Variants in ERH observed in about 807,000 individuals in gnomAD.
ERH encodes the protein enhancer of rudimentary homolog.
In ERH, 1 loss-of-function variant was observed where a neutral mutation model predicts 16.8. The observed-to-expected ratio is 0.06, with a 90% confidence interval of 0.02 to 0.28. ERH has a LOEUF of 0.28. Ranked by LOEUF, ERH falls within the 10% of genes least tolerant of loss-of-function variation. ERH has a pLI of 1.00. For synonymous variants in ERH, 43 were observed against 43.6 expected (o/e 0.99, Z 0.05); for missense variants, 42 against 127.5 (o/e 0.33, Z 3.23).
chr14:69,392,160 A>T (rs528028279), intron 2 of ERH, among the ~76,000 whole-genome samples: 1 of 148,332 alleles, frequency 6.7e-6, no homozygotes, highest in Non-Finnish European at 1.5e-5. Flanking sequence ...CTTAAAAAAA[A>T]GGGGGGAGGA....
intron 2 of ERH, among the ~76,000 whole-genome samples, chr14:69,387,880 T>TA (rs1187815162): frequency 4.0e-5 from 6 of 151,688 alleles, no homozygotes; most frequent in Middle Eastern, 3.4e-3. Flanking sequence ...CTGTCTCTAC[T>TA]AAAAAAATAC....
chr14:69,387,144 A>G (rs749009313), intron 2 of ERH, 61 bp from the exon 3 acceptor site: 32 of 1,421,128 alleles, frequency 2.3e-5, no homozygotes, highest in Non-Finnish European at 2.8e-5. Flanking sequence ...AGATATGAGC[A>G]GTGCTTATGA....
rs57516317 is a variant in ERH, at chr14:69,387,695, C to CAAAAAA, written c.92-618_92-613dup. On this transcript the variant is annotated intron_variant, in intron 2 of 3. Transcript: ENST00000557016. The stretch of plus-strand genomic sequence containing the variant: ...AGTAATTCTTCCTAAAGCCACAGAG[C>CAAAAAA]AAAAAAAAAAAAAAAATTGGCAACA... Among the ~76,000 whole-genome samples the CAAAAAA allele has an allele frequency of 2.5e-4, 28 of 113,380 alleles. 3 individuals are homozygous for CAAAAAA. Among genetic ancestry groups the CAAAAAA allele is most frequent in the African/African-American group, 5.3e-4 (15 of 28,106 alleles). 74.4% of individuals were successfully genotyped at this position (113,380 alleles called of 152,430 possible).
intron 3 of ERH, among the ~76,000 whole-genome samples, chr14:69,383,647 TATG>T (rs1193375509): frequency 6.6e-6 from 1 of 152,244 alleles, no homozygotes; most frequent in Non-Finnish European, 1.5e-5. Context: ...GTTTTCAAGC[TATG>T]ATAATTTACG....
chr14:69,390,639 T>C (rs1294086888), intron 2 of ERH, among the ~76,000 whole-genome samples: 1 of 152,168 alleles, frequency 6.6e-6, no homozygotes, highest in African/African-American at 2.4e-5. Context: ...GTTTCTTAGA[T>C]ATGACACCAA....
intron 3 of ERH, among the ~76,000 whole-genome samples, chr14:69,381,601 T>C (rs1168153632): frequency 2.6e-5 from 4 of 152,046 alleles, no homozygotes; most frequent in Non-Finnish European, 4.4e-5. Flanking sequence ...GAGTACTGGG[T>C]GTCGCTTTAA....
intron 3 of ERH, among the ~76,000 whole-genome samples, chr14:69,384,307 T>A (rs2045879786): frequency 6.6e-6 from 1 of 152,242 alleles, no homozygotes; most frequent in African/African-American, 2.4e-5. Flanking sequence ...AGCAAGCACT[T>A]GATCCTCACA....
intron 3 of ERH, among the ~76,000 whole-genome samples, chr14:69,386,124 A>G (rs2045891198): frequency 6.6e-6 from 1 of 152,228 alleles, no homozygotes; most frequent in Non-Finnish European, 1.5e-5. Flanking sequence ...TACAACCGGA[A>G]CACAATGAAG....
intron 3 of ERH, among the ~76,000 whole-genome samples, chr14:69,382,700 G>A (rs932067654): frequency 8.6e-5 from 13 of 151,280 alleles, no homozygotes; most frequent in Non-Finnish European, 1.5e-4. Context: ...TTAGCTGGGC[G>A]TGGTGGCGCG....
chr14:69,388,872 G>T (rs2045907891), intron 2 of ERH, among the ~76,000 whole-genome samples: 1 of 152,050 alleles, frequency 6.6e-6, no homozygotes, highest in Non-Finnish European at 1.5e-5. Context: ...TTCAACCACA[G>T]AACTATTAAA....
rs148239927 is a variant in ERH at position 69,394,323 on chromosome 14, G to A, written c.91+502C>T. ...AACACCTAATACTTGTAGCAAGGAG[G>A]ATACTATATACATAATTAATGTTTA... On this transcript the variant is annotated intron_variant, in intron 2 of 3. Transcript: ENST00000557016. Among the ~76,000 whole-genome samples the A allele has an allele frequency of 7.0e-3, 1,062 of 152,108 alleles. 7 individuals carry two copies. The highest frequency in any genetic ancestry group is 0.024 in the African/African-American group (1,005 of 41,520).
At chr14:69,391,654 CAAAAAAAAAAAA>C (rs58399149) in intron 2 of ERH, among the ~76,000 whole-genome samples, 29 of 21,986 alleles carry the variant, frequency 1.3e-3, no homozygotes, top group African/African-American at 3.2e-3. Flanking sequence ...TCTCGCACGC[CAAAAAAAAAAAA>C]AAAAAAAAAA....
chr14:69,395,419 G>A (rs1424297120), intron 1 of ERH, among the ~76,000 whole-genome samples: 1 of 152,108 alleles, frequency 6.6e-6, no homozygotes. Context: ...CAGTCCTACC[G>A]TACTTACTGC....
chr14:69,384,416 G>A (rs2045880160), intron 3 of ERH, among the ~76,000 whole-genome samples: 1 of 152,188 alleles, frequency 6.6e-6, no homozygotes, highest in Admixed American at 6.5e-5. Context: ...GCAAATGGTA[G>A]ACCCAGGATT....
intron 1 of ERH, among the ~76,000 whole-genome samples, chr14:69,397,053 G>A (rs1882357264): frequency 2.0e-5 from 3 of 152,110 alleles, no homozygotes; most frequent in African/African-American, 7.2e-5. Context: ...GGTAAGAATG[G>A]AAAAAGCTAT....
intron 3 of ERH, among the ~76,000 whole-genome samples, chr14:69,383,179 C>T (rs1045898395): frequency 2.6e-5 from 4 of 152,162 alleles, no homozygotes; most frequent in African/African-American, 9.7e-5. Flanking sequence ...GATCAGAAAA[C>T]TGGAAAAATC....
At chr14:69,397,415 A>T (rs1203244959) in intron 1 of ERH, among the ~76,000 whole-genome samples, 3 of 151,648 alleles carry the variant, frequency 2.0e-5, no homozygotes, top group Non-Finnish European at 2.9e-5. Flanking sequence ...GGGCTGAGGG[A>T]CGCGCCACAC....
In ERH at chr14:69,384,031, A is replaced by C. The variant is rs114192685; in HGVS notation, c.212+2932T>G. 3.1e-3 allele frequency among the ~76,000 whole-genome samples: 475 copies of C among 152,190 alleles called. 4 individuals are homozygous for C. Among genetic ancestry groups the C allele is most frequent in the African/African-American group, 0.011 (461 of 41,518 alleles). On this transcript the variant is annotated intron_variant, in intron 3 of 3. Transcript: ENST00000557016. Reference sequence around the variant, plus strand: ...AGTACAAAGTTAGAAAAGTTATGTTATGTCATTAATGACATACTTGTATAT... The same window carrying C: ...AGTACAAAGTTAGAAAAGTTATGTTCTGTCATTAATGACATACTTGTATAT...
At chr14:69,380,703 C>A in intron 3 of ERH, 63 bp from the exon 4 acceptor site, 1 of 920,162 alleles carries the variant, frequency 1.1e-6, no homozygotes, top group Admixed American at 1.8e-5. Context: ...GTTTAAATCC[C>A]CAAATTATAA....
Sources: allele counts gnomAD v4.1 joint callset (sites outside exome capture counted in the v4.1 genomes callset), GRCh38; gene constraint gnomAD v4.1.1; transcripts MANE v1.5; gene names NCBI Gene and HGNC (gene_info 2026-07-23, HGNC 2026-07-21).